BDP1: variants seen among roughly 807,000 people sequenced by gnomAD.
BDP1 encodes the protein BDP1 general transcription factor IIIB subunit.
In BDP1, 169 loss-of-function variants were observed where a neutral mutation model predicts 266.6. The observed-to-expected ratio is 0.63, with a 90% CI of 0.56 to 0.72. The LOEUF (loss-of-function observed/expected upper bound fraction) is 0.72, where lower values mean the gene tolerates loss of function less well. Among genes scored for constraint, BDP1 ranks in the 30% least tolerant of loss-of-function variants. The probability of loss-of-function intolerance (pLI) is 0.00; values close to 1 mark genes in which losing one functional copy is unlikely to be tolerated. For synonymous variants in BDP1, 1,090 were observed against 1,022.4 expected, an observed-to-expected ratio of 1.07 and a Z score of -1.26; for missense variants, 3,015 against 3,053.8, an observed-to-expected ratio of 0.99 and a Z score of 0.30.
Position 71,546,617 on chromosome 5 carries a change from CAAAAAAAAAAAA to C in BDP1, c.6744+1415_6744+1426del, listed in dbSNP as rs70992980. ...TGGGCGACAGAACAAGACTCTGTCT[CAAAAAAAAAAAA>C]AAAAAAAAAAAAAAAACCAAAAAAC... On this transcript the variant is annotated intron_variant, in intron 32 of 38. Coordinates refer to ENST00000358731, the MANE Select transcript of BDP1 (RefSeq NM_018429.3). Among the ~76,000 whole-genome samples the C allele has an allele frequency of 6.9e-5, 4 of 57,766 alleles. No individual in the cohort carries two copies. In the Admixed American group the frequency reaches 9.2e-4, roughly 13 times the overall value. The allele number at this position is 57,766 out of a possible 152,430, so 37.9% of individuals were successfully genotyped here.
chr5:71,550,628 T>C (rs1051437702), intron 34 of BDP1, among the ~76,000 whole-genome samples: 2 of 152,154 alleles, frequency 1.3e-5, no homozygotes, highest in African/African-American at 4.8e-5. Flanking sequence ...TTTTAATTCT[T>C]TATTTTGGAA....
chr5:71,463,555 C>T (rs751468390), intron 3 of BDP1, among the ~76,000 whole-genome samples: 1 of 152,104 alleles, frequency 6.6e-6, no homozygotes, highest in Non-Finnish European at 1.5e-5. Context: ...GGCGTGGTGG[C>T]TCATGCCTGT....
chr5:71,496,347 C>G (rs998661450), intron 12 of BDP1, among the ~76,000 whole-genome samples: 2 of 150,626 alleles, frequency 1.3e-5, no homozygotes, highest in Admixed American at 1.3e-4. Context: ...TTGAAATAGA[C>G]AATACATTCA....
Position 71,510,223 on chromosome 5 carries a change from T to C in BDP1, c.3131T>C (p.Val1044Ala). 1 of 1,611,526 alleles carries C rather than the reference T, an allele frequency of 6.2e-7. No homozygotes were observed. Among genetic ancestry groups the C allele is most frequent in the Non-Finnish European group, 8.5e-7 (1 of 1,179,592 alleles). Residue 1044 changes from valine to alanine, a missense_variant, in exon 17 of 39, where the codon GTA becomes GCA. By Grantham distance (64) the Val-to-Ala change is moderately conservative. This residue lies in a region of BDP1 where 2,383 missense variants were observed against 2,404.9 expected (regional missense o/e 0.99). Transcript: ENST00000358731. ...EIDLEETERE[V>A]SPQENGLEEV... is the part of the protein sequence containing the mutation. ...GATTTGGAAGAAACTGAAAGAGAAG[T>C]ATCCCCACAGGAAAATGGACTAGAG...
intron 7 of BDP1, among the ~76,000 whole-genome samples, chr5:71,483,352 C>T (rs1580037780): frequency 6.6e-6 from 1 of 152,054 alleles, no homozygotes; most frequent in Non-Finnish European, 1.5e-5. Context: ...ATTTTTGGGG[C>T]TGAGAAAAAT....
At chr5:71,553,368 G>T in intron 35 of BDP1, 48 bp downstream of exon 35, 1 of 1,319,056 alleles carries the variant, frequency 7.6e-7, no homozygotes, top group Non-Finnish European at 1.1e-6. Context: ...AAGTAAGATG[G>T]CCATATTGCA....
chr5:71,549,699 GTTA>G (rs1742610741), intron 34 of BDP1, 93 bp downstream of exon 34: 4 of 1,036,160 alleles, frequency 3.9e-6, no homozygotes, highest in Non-Finnish European at 5.3e-6. Flanking sequence ...AATGTTAGTT[GTTA>G]TTGTTGTGGA....
chr5:71,477,972 C>G (rs1291972408), intron 7 of BDP1, among the ~76,000 whole-genome samples: 1 of 152,044 alleles, frequency 6.6e-6, no homozygotes, highest in Non-Finnish European at 1.5e-5. Flanking sequence ...AATAAACAGC[C>G]GGGTGCGGTG....
At chr5:71,502,951 C>T (rs538799175) in intron 15 of BDP1, among the ~76,000 whole-genome samples, 160 bp downstream of exon 15, 2 of 148,276 alleles carry the variant, frequency 1.3e-5, no homozygotes, top group African/African-American at 4.9e-5. Context: ...TGCAGTGTCG[C>T]GATCTTGCCT....
intron 30 of BDP1, among the ~76,000 whole-genome samples, chr5:71,544,145 T>C (rs2150569339): frequency 6.6e-6 from 1 of 152,338 alleles, no homozygotes; most frequent in Middle Eastern, 3.4e-3. Flanking sequence ...GTGAAATTTT[T>C]GTAGAACAGG....
chr5:71,469,699 C>T (rs564912798), intron 6 of BDP1, among the ~76,000 whole-genome samples: 17 of 151,992 alleles, frequency 1.1e-4, no homozygotes, highest in Non-Finnish European at 1.8e-4. Context: ...CTGTAACCTC[C>T]GCCTCCCGGG....
chr5:71,559,181 T>C (rs746098329), intron 36 of BDP1, among the ~76,000 whole-genome samples: 2 of 152,098 alleles, frequency 1.3e-5, no homozygotes, highest in Non-Finnish European at 2.9e-5. Flanking sequence ...AAAACTCTTA[T>C]AATGTTAATA....
intron 4 of BDP1, among the ~76,000 whole-genome samples, chr5:71,465,633 G>A (rs535840515): frequency 1.9e-4 from 29 of 152,142 alleles, no homozygotes; most frequent in African/African-American, 5.5e-4. Flanking sequence ...CTGTAATCCC[G>A]GCACTTTGGG....
intron 26 of BDP1, 27 bp downstream of exon 26, chr5:71,532,454 GC>G: frequency 6.2e-7 from 1 of 1,605,118 alleles, no homozygotes; most frequent in African/African-American, 1.3e-5. Context: ...ATATGTTTTG[GC>G]CTTTTATTCT....
In BDP1 at chr5:71,458,448, A is replaced by G. The variant is rs1018897520; in HGVS notation, c.213-131A>G. The G allele has an allele frequency of 2.1e-5, 15 of 699,702 alleles. No homozygotes were observed. The East Asian group carries it at 3.9e-4, about 18-fold the overall frequency. The allele number at this position is 699,702 out of a possible 1,614,324, so 43.3% of individuals were successfully genotyped here. A position where few individuals can be genotyped will look rare whatever the true frequency, so the allele number is the denominator to read the frequency against. The stretch of plus-strand genomic sequence containing the variant: ...TTGTAACCTGTCATAATTATCATAA[A>G]TCTCAAGTTACTAATTTTTTTTTTT... On this transcript the variant is annotated intron_variant, in intron 1 of 38. Transcript: ENST00000358731.
rs529088718 is a variant in BDP1 at position 71,536,225 on chromosome 5, G to A, written c.5893-2817G>A. On this transcript the variant is annotated intron_variant, in intron 26 of 38. Coordinates refer to ENST00000358731, the MANE Select transcript of BDP1 (RefSeq NM_018429.3). Reference sequence around the variant, plus strand: ...GTACACAATTCTTCACATTTATACCGAAAATCTAAAAAGCCATGTATTGTA... The same window carrying A: ...GTACACAATTCTTCACATTTATACCAAAAATCTAAAAAGCCATGTATTGTA... Among the ~76,000 whole-genome samples the A allele has an allele frequency of 6.6e-5, 10 of 152,066 alleles. No individual in the cohort carries two copies. In the South Asian group the frequency reaches 8.3e-4, roughly 13 times the overall value.
In BDP1 at chr5:71,517,439, A is replaced by G. The variant is rs768817964; in HGVS notation, c.4978A>G (p.Asn1660Asp). 5 of 1,585,576 alleles carry G rather than the reference A, an allele frequency of 3.2e-6. No individual in the cohort carries two copies. Reference sequence around the variant, plus strand: ...AGAAAACCTTCATGTTAACAAAACAAATGAAACAATCAGGTGAGTTTGCTT... The same window carrying G: ...AGAAAACCTTCATGTTAACAAAACAGATGAAACAATCAGGTGAGTTTGCTT... ...LVENLHVNKT[N>D]ETIRHENKPY... Residue 1660 changes from asparagine to aspartate, a missense_variant, in exon 22 of 39, where the codon AAT (asparagine) becomes GAT (aspartate). By Grantham distance (23) the Asn-to-Asp change is conservative. This residue lies in a region of BDP1 where 2,383 missense variants were observed against 2,404.9 expected (regional missense o/e 0.99). Coordinates refer to ENST00000358731, the MANE Select transcript of BDP1 (RefSeq NM_018429.3).
chr5:71,503,909 T>A (rs1764411049), intron 15 of BDP1, among the ~76,000 whole-genome samples: 4 of 151,566 alleles, frequency 2.6e-5, no homozygotes, highest in Admixed American at 2.6e-4. Context: ...AGTTCAAGCC[T>A]CCAGTGAGCT....
chr5:71,511,344 T>C, intron 17 of BDP1, 193 bp downstream of exon 17: 2 of 616,494 alleles, frequency 3.2e-6, no homozygotes, highest in South Asian at 2.4e-5. Flanking sequence ...AAGATAACTT[T>C]AGGCTGGGCA....
Sources: gnomAD v4.1 joint callset for allele counts (sites outside exome capture counted in the v4.1 genomes callset) on GRCh38, gnomAD v4.1.1 for gene constraint, gnomAD v4.1.1 regional missense constraint, MANE v1.5 for transcripts, NCBI Gene and HGNC (gene_info 2026-07-23, HGNC 2026-07-21) for gene names.